Variants in PARD3 observed in about 807,000 individuals in gnomAD.
PARD3 encodes par-3 family cell polarity regulator, also known as partitioning defective 3 homolog.
PARD3 carries 75 observed loss-of-function variants against 155.4 expected under a neutral mutation model. The observed-to-expected ratio is 0.48, with a 90% CI of 0.40 to 0.58. PARD3 has a LOEUF of 0.58. PARD3 is among the 20% of genes least tolerant of loss of function. PARD3 has a pLI of 0.00. For missense variants in PARD3, 1,642 were observed against 1,721.7 expected (o/e 0.95, Z 0.82); for synonymous variants, 576 against 610.5 (o/e 0.94, Z 0.83).
At chr10:34,635,485 G>A (rs2092436009) in intron 2 of PARD3, among the ~76,000 whole-genome samples, 1 of 152,162 alleles carries the variant, frequency 6.6e-6, no homozygotes, top group Admixed American at 6.5e-5. Flanking sequence ...TGACGGTAGT[G>A]GTAAGGGGTC....
chr10:34,773,193 G>A lies in PARD3; in HGVS notation c.120+41683C>T, dbSNP rs190580681. On this transcript the variant is annotated intron_variant, in intron 1 of 24. Transcript: ENST00000374788. ...AAAAAGAGAAAATACATCTATAAAC[G>A]CTTGCCCCACAACTAATAACACTTA... Among the ~76,000 whole-genome samples the A allele has an allele frequency of 4.6e-5, 7 of 152,174 alleles. No individual in the cohort carries two copies. In the East Asian group the frequency reaches 7.7e-4, roughly 17 times the overall value.
rs1837613498 is a variant in PARD3 at position 34,348,080 on chromosome 10, C to A, written c.2103G>T (p.Leu701=). 1 of 1,611,720 alleles carries A rather than the reference C, an allele frequency of 6.2e-7. No homozygotes were observed. Among genetic ancestry groups the A allele is most frequent in the Non-Finnish European group, 8.5e-7 (1 of 1,179,080 alleles). ...TATCATCCAACGCTGTTTCAATGGG[C>A]AGCTCAGGTCCAGGGGGGCTCCCAG... ...KSPGSPPGPE[L]PIETALDDRE... Residue 701 remains leucine (L), a synonymous_variant, in exon 15 of 25, where the codon CTG becomes CTT. Coordinates refer to ENST00000374788, the MANE Select transcript of PARD3 (RefSeq NM_001184785.2).
chr10:34,308,183 G>A (rs1482983712), intron 20 of PARD3, among the ~76,000 whole-genome samples: 2 of 152,198 alleles, frequency 1.3e-5, no homozygotes, highest in African/African-American at 4.8e-5. Flanking sequence ...GGGGGACCAA[G>A]TTCTGTAGGG....
chr10:34,455,048 C>G (rs1281250271), intron 4 of PARD3, among the ~76,000 whole-genome samples: 4 of 152,182 alleles, frequency 2.6e-5, no homozygotes, highest in Non-Finnish European at 5.9e-5. Context: ...CTCCCAGAAA[C>G]AGCTATTTAG....
rs193047112 is a variant in PARD3, at chr10:34,610,498, C to T, written c.222+85820G>A. Among the ~76,000 whole-genome samples the T allele has an allele frequency of 2.4e-3, 363 of 152,162 alleles. 1 individual carries two copies. The highest frequency in any genetic ancestry group is 8.1e-3 in the African/African-American group (337 of 41,498). On this transcript the variant is annotated intron_variant, in intron 2 of 24. Coordinates refer to ENST00000374788, the MANE Select transcript of PARD3 (RefSeq NM_001184785.2). The stretch of plus-strand genomic sequence containing the variant: ...AGCAGTTAGGAAGATGACCCAGTAA[C>T]CCAAAAAGGGTTACGTGTGGACCTG...
intron 2 of PARD3, among the ~76,000 whole-genome samples, chr10:34,681,730 T>TTATATATATATATATATATA (rs71487904): frequency 1.7e-4 from 5 of 29,974 alleles, no homozygotes; most frequent in African/African-American, 2.1e-4. Flanking sequence ...CGTATGTATT[T>TTATATATATATATATATATA]TATATATATA....
At chr10:34,348,275 C>T (rs1467574402) in intron 14 of PARD3, among the ~76,000 whole-genome samples, 160 bp from the exon 15 acceptor site, 2 of 152,228 alleles carry the variant, frequency 1.3e-5, no homozygotes, top group African/African-American at 4.8e-5. Context: ...GATGACAGCT[C>T]TGCCTAATGA....
rs549260802 is a variant in PARD3, at chr10:34,109,800, T to C, written c.*1369A>G. 1 of 151,992 alleles carries C rather than the reference T, an allele frequency of 6.6e-6. No homozygotes were observed. The highest frequency in any genetic ancestry group is 2.1e-4 in the South Asian group (1 of 4,792). The allele number at this position is 151,992 out of a possible 1,614,324, so 9.4% of individuals were successfully genotyped here. ...TTCTAAAAACAAGTCAACACAAAAA[T>C]ACAATGTGCCAATAAAAAAAAAATA... On this transcript the variant is annotated 3_prime_UTR_variant, in exon 25 of 25. Transcript: ENST00000374788.
intron 2 of PARD3, among the ~76,000 whole-genome samples, chr10:34,617,267 T>A (rs1383237513): frequency 3.3e-5 from 5 of 151,054 alleles, no homozygotes; most frequent in African/African-American, 1.2e-4. Context: ...AAAAAATAAA[T>A]AAATAAATAA....
At chr10:34,154,559 C>T (rs1306011260) in intron 22 of PARD3, among the ~76,000 whole-genome samples, 1 of 152,136 alleles carries the variant, frequency 6.6e-6, no homozygotes, top group Admixed American at 6.5e-5. Context: ...GACAGGTGAG[C>T]AGTTTAAAAG....
At chr10:34,525,822 C>T (rs2082436962) in intron 2 of PARD3, among the ~76,000 whole-genome samples, 1 of 151,746 alleles carries the variant, frequency 6.6e-6, no homozygotes, top group Admixed American at 6.6e-5. Flanking sequence ...GTGGGTCATG[C>T]CTGTAATTCC....
intron 2 of PARD3, among the ~76,000 whole-genome samples, chr10:34,665,260 C>T (rs2133188128): frequency 1.3e-5 from 2 of 152,042 alleles, no homozygotes; most frequent in Middle Eastern, 3.4e-3. Context: ...GCCTGTAATC[C>T]CAGCACTTTG....
chr10:34,729,530 C>CAA (rs56210783), intron 1 of PARD3, among the ~76,000 whole-genome samples: 67 of 111,432 alleles, frequency 6.0e-4, no homozygotes, highest in African/African-American at 8.1e-4. Flanking sequence ...GACTCCATCT[C>CAA]AAAAAAAAAA....
chr10:34,237,016 C>T (rs1299606400), intron 22 of PARD3, among the ~76,000 whole-genome samples: 2 of 152,146 alleles, frequency 1.3e-5, no homozygotes, highest in African/African-American at 2.4e-5. Context: ...GAAGCTGTAA[C>T]GGACAGATGC....
At chr10:34,190,036 C>T (rs1474640719) in intron 22 of PARD3, among the ~76,000 whole-genome samples, 10 of 152,204 alleles carry the variant, frequency 6.6e-5, no homozygotes, top group Admixed American at 6.5e-4. Context: ...TCACATTTTC[C>T]AAGTGACCAA....
At chr10:34,374,742 G>C (rs1222701000) in intron 11 of PARD3, 132 bp downstream of exon 11, 1 of 837,636 alleles carries the variant, frequency 1.2e-6, no homozygotes, top group Non-Finnish European at 1.9e-6. Context: ...TGTATTCAGT[G>C]AGGGCTGAAA....
intron 2 of PARD3, among the ~76,000 whole-genome samples, chr10:34,554,284 C>T (rs892282059): frequency 6.6e-6 from 1 of 152,058 alleles, no homozygotes; most frequent in Non-Finnish European, 1.5e-5. Context: ...TCAGTAAATG[C>T]CAATTATTAT....
intron 2 of PARD3, among the ~76,000 whole-genome samples, chr10:34,534,024 C>A (rs2083045309): frequency 1.3e-5 from 2 of 152,290 alleles, no homozygotes; most frequent in Admixed American, 6.5e-5. Context: ...ACTTCAATTT[C>A]CACATAGCCA....
chr10:34,591,724 G>A (rs1169182323), intron 2 of PARD3, among the ~76,000 whole-genome samples: 2 of 152,150 alleles, frequency 1.3e-5, no homozygotes, highest in Non-Finnish European at 2.9e-5. Context: ...TGGTCTCAAG[G>A]AGCAAAAAGA....
Sources: allele counts gnomAD v4.1 joint callset (sites outside exome capture counted in the v4.1 genomes callset), GRCh38; gene constraint gnomAD v4.1.1; transcripts MANE v1.5; gene names NCBI Gene and HGNC (gene_info 2026-07-23, HGNC 2026-07-21).